The following UBE2L3 variants were observed in gnomAD, a reference collection of about 807,000 sequenced individuals.
UBE2L3 encodes the protein ubiquitin conjugating enzyme E2 L3, also known as ubiquitin-conjugating enzyme E2 L3.
In UBE2L3, 1 loss-of-function variant was observed where a neutral mutation model predicts 17.8. The ratio of observed to expected loss-of-function variants is 0.06; its 90% CI spans 0.02 to 0.27. The LOEUF (loss-of-function observed/expected upper bound fraction) is 0.27, where lower values mean the gene tolerates loss of function less well. UBE2L3 is among the 10% of genes least tolerant of loss of function. UBE2L3 has a pLI of 1.00. For missense variants in UBE2L3, 40 were observed against 192.6 expected (o/e 0.21, Z 4.69); for synonymous variants, 44 against 68.5 (o/e 0.64, Z 1.76).
intron 2 of UBE2L3, among the ~76,000 whole-genome samples, chr22:21,607,932 A>T (rs899340108): frequency 1.3e-5 from 2 of 152,184 alleles, no homozygotes; most frequent in Non-Finnish European, 2.9e-5. Flanking sequence ...GACTTCTAGT[A>T]CTCACAGTGT....
chr22:21,609,911 AGC>A (rs1488776850), intron 2 of UBE2L3, among the ~76,000 whole-genome samples: 1 of 152,174 alleles, frequency 6.6e-6, no homozygotes, highest in Non-Finnish European at 1.5e-5. Context: ...CTGTAATCCC[AGC>A]TACTTGGGAG....
chr22:21,611,073 G>A, intron 3 of UBE2L3, 30 bp downstream of exon 3: 1 of 1,542,364 alleles, frequency 6.5e-7, no homozygotes, highest in Non-Finnish European at 8.7e-7. Context: ...CTTCCTCGGA[G>A]GGGGTCTTTG....
At chr22:21,588,463 CT>C (rs1255043408) in intron 1 of UBE2L3, among the ~76,000 whole-genome samples, 617 of 103,326 alleles carry the variant, frequency 6.0e-3, no homozygotes, top group African/African-American at 0.015. Flanking sequence ...TTTCTTCTTT[CT>C]TTTTTTTTTT....
chr22:21,553,969 A>G, intron 1 of UBE2L3, among the ~76,000 whole-genome samples: 1 of 1,564 alleles, frequency 6.4e-4, no homozygotes, highest in East Asian at 2.5e-3. Context: ...CAAAGTCGCA[A>G]TGAGCTGTGA....
intron 1 of UBE2L3, among the ~76,000 whole-genome samples, chr22:21,578,497 G>A (rs1927442998): frequency 6.6e-6 from 1 of 152,130 alleles, no homozygotes; most frequent in South Asian, 2.1e-4. Flanking sequence ...GTCTGTTGTG[G>A]ACAGACTTGA....
At chr22:21,568,438 C>T (rs1283128161) in intron 1 of UBE2L3, 3 of 985,130 alleles carry the variant, frequency 3.0e-6, no homozygotes, top group South Asian at 9.4e-5. Flanking sequence ...TTCTGCTTCC[C>T]TCTCCTCCAC....
At chr22:21,608,811 G>A (rs1030759545) in intron 2 of UBE2L3, among the ~76,000 whole-genome samples, 2 of 143,140 alleles carry the variant, frequency 1.4e-5, no homozygotes, top group Non-Finnish European at 3.0e-5. Context: ...TGAACTCCCG[G>A]CCTCAAGTGA....
chr22:21,556,767 A>G (rs1430198086), intron 1 of UBE2L3, among the ~76,000 whole-genome samples: 1 of 152,264 alleles, frequency 6.6e-6, no homozygotes, highest in African/African-American at 2.4e-5. Context: ...TGGCCAATAA[A>G]AAAATTAATA....
rs1568981113 is a variant in UBE2L3 at position 21,597,774 on chromosome 22, G to GTTTTTTT, written c.123+4818_123+4819insTTTTTTT. Among the ~76,000 whole-genome samples, 3 of 73,536 alleles carry GTTTTTTT rather than the reference G, an allele frequency of 4.1e-5. No individual in the cohort carries two copies. In the East Asian group the frequency reaches 2.0e-3, roughly 49 times the overall value. 48.2% of individuals were successfully genotyped at this position (73,536 alleles called of 152,430 possible). On this transcript the variant is annotated intron_variant, in intron 2 of 3. Coordinates refer to ENST00000342192, the MANE Select transcript of UBE2L3 (RefSeq NM_003347.4). ...TGGATCTTTGATCCATTTATATGTAGATTTTTTTTTTTTTTTTTTTTTTTT... is the reference window on the plus strand; with the variant it reads ...TGGATCTTTGATCCATTTATATGTAGTTTTTTTATTTTTTTTTTTTTTTTTTTTTTTT...
chr22:21,561,323 C>A (rs1251009014), intron 1 of UBE2L3, among the ~76,000 whole-genome samples: 7 of 152,420 alleles, frequency 4.6e-5, no homozygotes, highest in Non-Finnish European at 7.3e-5. Context: ...CACCTGTAAT[C>A]CCAGTACTTT....
chr22:21,616,383 G>T (rs1601444024), intron 3 of UBE2L3, among the ~76,000 whole-genome samples: 1 of 152,092 alleles, frequency 6.6e-6, no homozygotes, highest in East Asian at 1.9e-4. Context: ...GGGCGTGGTG[G>T]GTCACGCCTG....
intron 2 of UBE2L3, among the ~76,000 whole-genome samples, chr22:21,607,979 C>G (rs561264115): frequency 6.6e-6 from 1 of 152,182 alleles, no homozygotes; most frequent in South Asian, 2.1e-4. Context: ...TGGTACAACT[C>G]TACTTGTATC....
intron 3 of UBE2L3, among the ~76,000 whole-genome samples, chr22:21,617,223 G>C (rs1045878359): frequency 6.6e-6 from 1 of 151,764 alleles, no homozygotes; most frequent in Non-Finnish European, 1.5e-5. Flanking sequence ...AATATAGTGA[G>C]AGTAAAAGGT....
intron 1 of UBE2L3, among the ~76,000 whole-genome samples, chr22:21,562,682 T>G (rs2148393120): frequency 6.7e-6 from 1 of 149,276 alleles, no homozygotes; most frequent in African/African-American, 2.5e-5. Flanking sequence ...TTTTTTTTTT[T>G]TTTTTTTTGT....
chr22:21,595,656 G>T (rs1163088330), intron 2 of UBE2L3, among the ~76,000 whole-genome samples: 1 of 152,124 alleles, frequency 6.6e-6, no homozygotes, highest in Non-Finnish European at 1.5e-5. Flanking sequence ...TTAAACATTT[G>T]TTTTTCTGTA....
intron 3 of UBE2L3, among the ~76,000 whole-genome samples, chr22:21,611,334 A>G (rs530944026): frequency 1.2e-4 from 18 of 152,318 alleles, no homozygotes; most frequent in Middle Eastern, 6.8e-3. Context: ...AGGTGCAGGC[A>G]CTGGTCCCTG....
At position 21,623,829 on chromosome 22, in the gene UBE2L3, A is replaced by T. The variant is rs1930174559; in HGVS notation, c.*2160A>T. The T allele has an allele frequency of 6.6e-6, 1 of 152,646 alleles. No homozygotes were observed. The highest frequency in any genetic ancestry group is 1.5e-5 in the Non-Finnish European group (1 of 68,070). The allele number at this position is 152,646 out of a possible 1,614,324, so 9.5% of individuals were successfully genotyped here. Reference sequence around the variant, plus strand: ...AGCCCTGGCTGCTCCAAAACCAAAAAGCTGGGTCCTCTGGAGGAGGGGCGA... The same window carrying T: ...AGCCCTGGCTGCTCCAAAACCAAAATGCTGGGTCCTCTGGAGGAGGGGCGA... On this transcript the variant is annotated 3_prime_UTR_variant, in exon 4 of 4. Transcript: ENST00000342192.
chr22:21,618,327 G>T (rs1929883420), intron 3 of UBE2L3, among the ~76,000 whole-genome samples: 1 of 152,106 alleles, frequency 6.6e-6, no homozygotes, highest in Non-Finnish European at 1.5e-5. Flanking sequence ...CACTTTGGGA[G>T]GCGGAGGCAG....
At chr22:21,602,149 G>A (rs923543090) in intron 2 of UBE2L3, among the ~76,000 whole-genome samples, 1 of 152,114 alleles carries the variant, frequency 6.6e-6, no homozygotes, top group African/African-American at 2.4e-5. Flanking sequence ...GGGTGAAAAA[G>A]GTTAGCCACA....
Sources: gnomAD v4.1 joint callset for allele counts (sites outside exome capture counted in the v4.1 genomes callset) on GRCh38, gnomAD v4.1.1 for gene constraint, MANE v1.5 for transcripts, NCBI Gene and HGNC (gene_info 2026-07-23, HGNC 2026-07-21) for gene names.